The following CAPN7 variants were observed in gnomAD, a reference collection of about 807,000 sequenced individuals.
CAPN7 encodes calpain-7.
In CAPN7, 72 loss-of-function variants were observed where a neutral mutation model predicts 115.2. The ratio of observed to expected loss-of-function variants is 0.63; its 90% CI spans 0.52 to 0.76. The LOEUF (loss-of-function observed/expected upper bound fraction) is 0.76. CAPN7 is among the 30% of genes least tolerant of loss of function. The pLI is 0.00. For missense variants in CAPN7, 905 were observed against 971.5 expected (o/e 0.93, Z 0.91); for synonymous variants, 344 against 322.3 (o/e 1.07, Z -0.72).
At chr3:15,215,790 A>G (rs2045216518) in intron 2 of CAPN7, among the ~76,000 whole-genome samples, 2 of 152,356 alleles carry the variant, frequency 1.3e-5, no homozygotes, top group South Asian at 2.1e-4. Flanking sequence ...TAAATAATGC[A>G]GTTAAGAACA....
intron 15 of CAPN7, among the ~76,000 whole-genome samples, 190 bp from the exon 16 acceptor site, chr3:15,241,988 A>C (rs968180973): frequency 2.0e-5 from 3 of 152,248 alleles, no homozygotes; most frequent in Non-Finnish European, 4.4e-5. Context: ...CATTGTGGTC[A>C]TCTATTAAAA....
At position 15,217,469 on chromosome 3, in the gene CAPN7, G is replaced by C; in HGVS notation, c.256G>C (p.Asp86His). ...TCCTTTGAAGTCAAAACATCAGTTG[G>C]ACTTAGAGCGTGCTCATTTCCTTGT... Reference protein sequence around the residue: ...ADPLKSKHQLDLERAHFLVTQ... With the variant: ...ADPLKSKHQLHLERAHFLVTQ... Residue 86 changes from aspartate (D) to histidine (H), a missense_variant, in exon 3 of 21, where the codon GAC becomes CAC. Physicochemically the swap from Asp to His is moderately conservative, Grantham distance 81 (BLOSUM62 -1). This residue lies in a region of CAPN7 where 271 missense variants were observed against 239.6 expected (regional missense o/e 1.13). Coordinates refer to ENST00000253693, the MANE Select transcript of CAPN7 (RefSeq NM_014296.3). The C allele has an allele frequency of 1.9e-6, 3 of 1,613,798 alleles. No individual in the cohort carries two copies. Among genetic ancestry groups the C allele is most frequent in the Non-Finnish European group, 2.5e-6 (3 of 1,179,894 alleles).
rs187920430 is a variant in CAPN7, at chr3:15,250,365, C to T, written c.2205-566C>T. ...ACTCCAGCCTGGGTGACAGTGAGAC[C>T]CTGTCTCAAAAATAAAAAAGAGGTC... On this transcript the variant is annotated intron_variant, in intron 19 of 20. Transcript: ENST00000253693. 2.6e-3 allele frequency among the ~76,000 whole-genome samples: 397 copies of T among 151,336 alleles called. 4 individuals carry two copies. Among genetic ancestry groups the T allele is most frequent in the African/African-American group, 9.1e-3 (377 of 41,248 alleles).
intron 9 of CAPN7, 110 bp downstream of exon 9, chr3:15,230,645 A>G (rs1694629796): frequency 1.5e-6 from 1 of 662,186 alleles, no homozygotes; most frequent in Non-Finnish European, 2.7e-6. Flanking sequence ...TTTAAAAGTT[A>G]GAGTCTGTGA....
chr3:15,221,974 A>G (rs1448593638), intron 5 of CAPN7, among the ~76,000 whole-genome samples: 2 of 151,760 alleles, frequency 1.3e-5, no homozygotes, highest in African/African-American at 2.4e-5. Flanking sequence ...ATATGTGTGT[A>G]TACACGTGTA....
chr3:15,225,574 T>C (rs1694265757), intron 6 of CAPN7, among the ~76,000 whole-genome samples: 1 of 152,204 alleles, frequency 6.6e-6, no homozygotes, highest in Non-Finnish European at 1.5e-5. Flanking sequence ...AAAAGTAAAA[T>C]ACGTAGCCAT....
chr3:15,235,021 C>G lies in CAPN7; in HGVS notation c.1287-4C>G. The G allele has an allele frequency of 6.2e-7, 1 of 1,600,398 alleles. No homozygotes were observed. Among genetic ancestry groups the G allele is most frequent in the Non-Finnish European group, 8.5e-7 (1 of 1,175,766 alleles). On this transcript the variant is annotated splice_region_variant and splice_polypyrimidine_tract_variant and intron_variant, in intron 11 of 20. Transcript: ENST00000253693. ...TAATTAATTGTCTTTGGGGTTCATT[C>G]CAGATTTCACAAAGGAGATGTCCTC...
chr3:15,243,347 C>T (rs1424480655), intron 16 of CAPN7, among the ~76,000 whole-genome samples: 1 of 152,170 alleles, frequency 6.6e-6, no homozygotes, highest in Non-Finnish European at 1.5e-5. Flanking sequence ...AGGAAAATGA[C>T]ATGTCCTGGC....
chr3:15,231,827 C>G (rs911058397), intron 9 of CAPN7, among the ~76,000 whole-genome samples: 5 of 152,152 alleles, frequency 3.3e-5, no homozygotes, highest in African/African-American at 1.2e-4. Flanking sequence ...CGCGCCCAGC[C>G]TCAGATCACT....
chr3:15,206,718 C>T (rs1559379832), intron 1 of CAPN7, 121 bp downstream of exon 1: 1 of 693,060 alleles, frequency 1.4e-6, no homozygotes, highest in Non-Finnish European at 2.4e-6. Flanking sequence ...TTCCCTCGTC[C>T]GCCTCCCGGC....
chr3:15,221,979 C>A (rs1199350418), intron 5 of CAPN7, among the ~76,000 whole-genome samples: 1 of 149,514 alleles, frequency 6.7e-6, no homozygotes, highest in Non-Finnish European at 1.5e-5. Context: ...TGTGTATACA[C>A]GTGTATATAC....
chr3:15,234,123 C>T (rs2124968977), intron 11 of CAPN7, 150 bp downstream of exon 11: 1 of 524,544 alleles, frequency 1.9e-6, no homozygotes, highest in African/African-American at 2.0e-5. Flanking sequence ...GGAGGACCAG[C>T]CTGACCAACA....
intron 12 of CAPN7, among the ~76,000 whole-genome samples, chr3:15,237,857 G>A (rs897590690): frequency 2.0e-5 from 3 of 151,756 alleles, no homozygotes; most frequent in Admixed American, 2.0e-4. Context: ...CGTGCCTGTA[G>A]TCCCAGCTAA....
intron 4 of CAPN7, among the ~76,000 whole-genome samples, chr3:15,219,853 C>T (rs1408424329): frequency 6.6e-6 from 1 of 152,218 alleles, no homozygotes; most frequent in Non-Finnish European, 1.5e-5. Context: ...CCTCTCTAGT[C>T]TCATCTCCTG....
At chr3:15,213,114 C>G (rs1293231758) in intron 2 of CAPN7, among the ~76,000 whole-genome samples, 2 of 152,294 alleles carry the variant, frequency 1.3e-5, no homozygotes, top group East Asian at 1.9e-4. Flanking sequence ...AGTATTGATT[C>G]ATGTATTCAA....
intron 12 of CAPN7, among the ~76,000 whole-genome samples, chr3:15,236,807 A>G (rs1242792643): frequency 6.6e-6 from 1 of 152,184 alleles, no homozygotes; most frequent in African/African-American, 2.4e-5. Context: ...AGTATAAAAG[A>G]TTTTGTTAAA....
chr3:15,216,818 GGA>G (rs1474860347), intron 2 of CAPN7, among the ~76,000 whole-genome samples: 1 of 152,112 alleles, frequency 6.6e-6, no homozygotes, highest in Non-Finnish European at 1.5e-5. Flanking sequence ...AGTGCCAGTG[GGA>G]GAGAGAAATT....
intron 2 of CAPN7, among the ~76,000 whole-genome samples, chr3:15,216,487 G>A (rs1693602493): frequency 1.3e-5 from 2 of 152,038 alleles, no homozygotes; most frequent in Non-Finnish European, 2.9e-5. Flanking sequence ...TGTCTTTATT[G>A]TTGAATTTTA....
chr3:15,211,052 A>C (rs2044911471), intron 1 of CAPN7: 10 of 494,574 alleles, frequency 2.0e-5, no homozygotes, highest in Middle Eastern at 4.1e-4. Context: ...GAAGTTATGG[A>C]ATAACTGGAA....
Sources: allele counts gnomAD v4.1 joint callset (sites outside exome capture counted in the v4.1 genomes callset), GRCh38; gene constraint gnomAD v4.1.1; regional missense constraint gnomAD v4.1.1; transcripts MANE v1.5; gene names NCBI Gene and HGNC (gene_info 2026-07-23, HGNC 2026-07-21).